Variants in AIG1 observed in about 807,000 individuals in gnomAD.
The protein encoded by AIG1 is androgen-induced gene 1 protein.
In AIG1, 23 loss-of-function variants were observed where a neutral mutation model predicts 31.4. That is an observed-to-expected ratio of 0.73 (90% CI 0.53 to 1.04). The LOEUF is 1.04. Ranked by LOEUF, AIG1 falls within the 50% of genes least tolerant of loss-of-function variation. AIG1 has a pLI of 0.00. For missense variants in AIG1, 274 were observed against 295.0 expected (o/e 0.93, Z 0.52); for synonymous variants, 100 against 110.5 (o/e 0.90, Z 0.60).
intron 3 of AIG1, among the ~76,000 whole-genome samples, chr6:143,275,727 C>G (rs1422133641): frequency 6.6e-6 from 1 of 152,176 alleles, no homozygotes; most frequent in Non-Finnish European, 1.5e-5. Flanking sequence ...CCAAGCAGAG[C>G]AAATCACTCT....
chr6:143,275,438 G>A (rs904574636), intron 3 of AIG1, among the ~76,000 whole-genome samples: 24 of 152,206 alleles, frequency 1.6e-4, no homozygotes, highest in South Asian at 1.2e-3. Flanking sequence ...AACCTATAGA[G>A]GAACGTCTGC....
chr6:143,230,919 T>G (rs1793399372), intron 3 of AIG1, among the ~76,000 whole-genome samples: 1 of 152,204 alleles, frequency 6.6e-6, no homozygotes, highest in South Asian at 2.1e-4. Flanking sequence ...GCTCCTTAAA[T>G]GTACAATTAA....
Position 143,293,186 on chromosome 6 carries a change from C to T in AIG1, c.515+8961C>T, listed in dbSNP as rs1798170089. Among the ~76,000 whole-genome samples, 1 of 152,070 alleles carries T rather than the reference C, an allele frequency of 6.6e-6. No homozygotes were observed. Among genetic ancestry groups the T allele is most frequent in the Admixed American group, 6.5e-5 (1 of 15,272 alleles). On this transcript the variant is annotated intron_variant, in intron 4 of 5. Coordinates refer to ENST00000357847, the MANE Select transcript of AIG1 (RefSeq NM_016108.4). This position sits in a 1 kb window ranked among gnomAD's most constrained non-coding sequence, Gnocchi z 4.8. The stretch of plus-strand genomic sequence containing the variant: ...CTGCAGAGACCCTAGGAGAAAGGCT[C>T]ATTTTCTTTTTTTCTCTCTCTCTCT...
chr6:143,203,943 G>A (rs190180168), intron 3 of AIG1, among the ~76,000 whole-genome samples: 1 of 152,142 alleles, frequency 6.6e-6, no homozygotes, highest in Non-Finnish European at 1.5e-5. Context: ...AAAACAGTAG[G>A]TATAAAGTAC....
intron 1 of AIG1, among the ~76,000 whole-genome samples, chr6:143,107,045 A>T (rs139167918): frequency 6.6e-6 from 1 of 152,212 alleles, no homozygotes; most frequent in Admixed American, 6.5e-5. Flanking sequence ...AGAGAGACAC[A>T]CACATTCAAA....
chr6:143,216,869 T>A (rs1311537980), intron 3 of AIG1, among the ~76,000 whole-genome samples: 3 of 152,296 alleles, frequency 2.0e-5, no homozygotes, highest in East Asian at 3.9e-4. Context: ...TAGACTCAAG[T>A]GACAAGGAAG....
intron 1 of AIG1, among the ~76,000 whole-genome samples, chr6:143,113,649 C>T (rs557735888): frequency 6.6e-6 from 1 of 151,862 alleles, no homozygotes; most frequent in Non-Finnish European, 1.5e-5. Context: ...TTTTCCAAAG[C>T]AGATTCATAA....
chr6:143,246,245 A>C (rs745310278), intron 3 of AIG1, among the ~76,000 whole-genome samples: 4 of 149,456 alleles, frequency 2.7e-5, no homozygotes, highest in Non-Finnish European at 5.9e-5. Context: ...CTGCTGATAA[A>C]GACATACCTG....
At chr6:143,220,895 C>G (rs1315874816) in intron 3 of AIG1, among the ~76,000 whole-genome samples, 1 of 152,120 alleles carries the variant, frequency 6.6e-6, no homozygotes, top group Non-Finnish European at 1.5e-5. Context: ...CTCAGTGTAT[C>G]CCTCTATAAC....
chr6:143,165,903 C>A (rs1224643878), intron 3 of AIG1, among the ~76,000 whole-genome samples: 1 of 152,146 alleles, frequency 6.6e-6, no homozygotes, highest in Non-Finnish European at 1.5e-5. Flanking sequence ...TCTTCCCTTT[C>A]AGTTTTTGGA....
rs544020296 is a variant in AIG1 at position 143,194,085 on chromosome 6, G to C, written c.399+28902G>C. ...GCATGATTCTTCCTGCTTATCCCCT[G>C]TATATTAGTCCACTCTCACACTGCT... is the stretch of plus-strand genomic sequence containing the variant. On this transcript the variant is annotated intron_variant, in intron 3 of 5. Transcript: ENST00000357847. 2.0e-5 allele frequency among the ~76,000 whole-genome samples: 3 copies of C among 152,298 alleles called. No individual in the cohort carries two copies. In the South Asian group the frequency reaches 6.2e-4, roughly 32 times the overall value.
chr6:143,223,073 G>T (rs555542883), intron 3 of AIG1, among the ~76,000 whole-genome samples: 1 of 152,340 alleles, frequency 6.6e-6, no homozygotes, highest in South Asian at 2.1e-4. Context: ...AGTGCCATGA[G>T]AAACAGCCTT....
intron 3 of AIG1, among the ~76,000 whole-genome samples, chr6:143,231,133 G>A (rs1793411953): frequency 1.3e-5 from 2 of 152,172 alleles, no homozygotes; most frequent in Non-Finnish European, 2.9e-5. Flanking sequence ...AAATTATACA[G>A]ATATAAGAGA....
chr6:143,160,518 G>C (rs1562442062), intron 2 of AIG1, among the ~76,000 whole-genome samples: 1 of 152,200 alleles, frequency 6.6e-6, no homozygotes, highest in Non-Finnish European at 1.5e-5. Flanking sequence ...TCCACTCTCA[G>C]TTTAAGTACA....
chr6:143,322,412 G>A (rs1338034030), intron 4 of AIG1, among the ~76,000 whole-genome samples: 2 of 152,156 alleles, frequency 1.3e-5, no homozygotes, highest in Admixed American at 6.5e-5. Context: ...TGCTTGGGCC[G>A]TTACAGTGCC....
intron 2 of AIG1, among the ~76,000 whole-genome samples, chr6:143,141,350 A>G (rs1351746981): frequency 6.6e-6 from 1 of 152,140 alleles, no homozygotes; most frequent in East Asian, 1.9e-4. Context: ...GAGAGTTGAC[A>G]GTAATTGCTG....
intron 3 of AIG1, among the ~76,000 whole-genome samples, chr6:143,224,736 A>G (rs1329438035): frequency 6.6e-6 from 1 of 152,022 alleles, no homozygotes; most frequent in Non-Finnish European, 1.5e-5. Context: ...TGTTATAACA[A>G]TGTTTGTCTT....
At chr6:143,101,799 C>T (rs1295597689) in intron 1 of AIG1, among the ~76,000 whole-genome samples, 1 of 152,018 alleles carries the variant, frequency 6.6e-6, no homozygotes, top group African/African-American at 2.4e-5. Flanking sequence ...CCCCCAAAAC[C>T]AATGGAAATA....
chr6:143,278,812 C>T (rs544275029), intron 3 of AIG1, among the ~76,000 whole-genome samples: 1 of 152,168 alleles, frequency 6.6e-6, no homozygotes, highest in African/African-American at 2.4e-5. Flanking sequence ...TTACTAATGT[C>T]CTTATTTAAC....
Sources: gnomAD v4.1 joint callset for allele counts (sites outside exome capture counted in the v4.1 genomes callset) on GRCh38, gnomAD v4.1.1 for gene constraint, Gnocchi (gnomAD v3.1) non-coding constraint, MANE v1.5 for transcripts, NCBI Gene and HGNC (gene_info 2026-07-23, HGNC 2026-07-21) for gene names.